SNRNP200: variants seen among roughly 807,000 people sequenced by gnomAD.
SNRNP200 encodes the protein small nuclear ribonucleoprotein U5 subunit 200, also known as U5 small nuclear ribonucleoprotein 200 kDa helicase.
SNRNP200 carries 66 observed loss-of-function variants against 255.2 expected under a neutral mutation model. The observed-to-expected ratio is 0.26, with a 90% CI of 0.21 to 0.32. The LOEUF (loss-of-function observed/expected upper bound fraction) is 0.32, where lower values mean the gene tolerates loss of function less well. Ranked by LOEUF, SNRNP200 falls within the 10% of genes least tolerant of loss-of-function variation. SNRNP200 has a pLI of 1.00. For synonymous variants in SNRNP200, 939 were observed against 1,027.8 expected (o/e 0.91, Z 1.65); for missense variants, 1,585 against 2,749.8 (o/e 0.58, Z 9.47).
chr2:96,292,861 G>T, intron 16 of SNRNP200, 111 bp downstream of exon 16: 1 of 1,300,142 alleles, frequency 7.7e-7, no homozygotes, highest in Non-Finnish European at 1.1e-6. Context: ...TGATATTGGT[G>T]ATTTATGTTG....
Position 96,290,428 on chromosome 2 carries a change from C to T in SNRNP200, c.2640G>A (p.Leu880=). 1 of 1,614,176 alleles carries T rather than the reference C, an allele frequency of 6.2e-7. No homozygotes were observed. Among genetic ancestry groups the T allele is most frequent in the Non-Finnish European group, 8.5e-7 (1 of 1,180,018 alleles). The part of the protein sequence containing the change: ...ITSHGELQYY[L]SLLNQQLPIE... ...TAGGAAGTTGTTGATTGAGGAGGGA[C>T]AGGTAGTACTGTAGCTCCCCATGAG... The change falls in exon 20 of 45, where the codon CTG becomes CTA. Residue 880 remains leucine (L), a synonymous_variant. Transcript: ENST00000323853. This position sits in a 1 kb window ranked among gnomAD's most constrained non-coding sequence, Gnocchi z 4.5.
In SNRNP200 at chr2:96,278,238, T is replaced by C; in HGVS notation, c.5609A>G (p.Gln1870Arg). 1 of 1,614,218 alleles carries C rather than the reference T, an allele frequency of 6.2e-7. No individual in the cohort carries two copies. The highest frequency in any genetic ancestry group is 8.5e-7 in the Non-Finnish European group (1 of 1,180,026). The change falls in exon 39 of 45, where the codon CAG becomes CGG. Residue 1870 changes from glutamine to arginine, a missense_variant and splice_region_variant. Gln to Arg is a conservative substitution (Grantham distance 43). Around this residue, in one of 9 missense-constraint regions of SNRNP200, gnomAD observed 279 missense variants for 551.2 expected, o/e 0.51. Coordinates refer to ENST00000323853, the MANE Select transcript of SNRNP200 (RefSeq NM_014014.5). This position sits in a 1 kb window ranked among gnomAD's most constrained non-coding sequence, Gnocchi z 6.9. The part of the protein sequence containing the change: ...IRHHEDNLLR[Q>R]LAQKVPHKLN... ...TCTCCTGAAGTCTGCTGTCCTCACCTGCCTCAGGAGATTGTCTTCATGGTG... is the reference window on the plus strand; with the variant it reads ...TCTCCTGAAGTCTGCTGTCCTCACCCGCCTCAGGAGATTGTCTTCATGGTG...
In SNRNP200 at chr2:96,296,537, T is replaced by C. The variant is rs1339852007; in HGVS notation, c.1670A>G (p.Lys557Arg). ...LVQEMVGSFG[K>R]RLATYGITVA... ...TGCAGGAAAGTTCTACTCCCTCACC[T>C]TTCCAAAGCTGCCCACCATCTCCTG... The change falls in exon 13 of 45, where the codon AAG becomes AGG. Residue 557 changes from lysine (K) to arginine (R), a missense_variant and splice_region_variant. By Grantham distance (26) the Lys-to-Arg change is conservative (BLOSUM62 2). Coordinates refer to ENST00000323853, the MANE Select transcript of SNRNP200 (RefSeq NM_014014.5). 6.2e-7 allele frequency: 1 copy of C among 1,614,108 alleles called. No individual in the cohort carries two copies. Among genetic ancestry groups the C allele is most frequent in the Non-Finnish European group, 8.5e-7 (1 of 1,179,996 alleles).
At chr2:96,301,955 C>T (rs1023208450) in intron 3 of SNRNP200, among the ~76,000 whole-genome samples, 2 of 152,228 alleles carry the variant, frequency 1.3e-5, no homozygotes, top group Non-Finnish European at 1.5e-5. Context: ...GCTTGCCACA[C>T]TCCAGGTGGT....
Position 96,296,578 on chromosome 2 carries a change from G to A in SNRNP200, c.1629C>T (p.Pro543=), listed in dbSNP as rs772562497. ...VDDFKIIYIA[P]MRSLVQEMVG... ...CCATCTCCTGCACCAAGGAGCGCAT[G>A]GGGGCAATGTAGATAATCTTGAAGT... is the stretch of plus-strand genomic sequence containing the variant. Residue 543 remains proline, a synonymous_variant, in exon 13 of 45, where the codon CCC becomes CCT. Coordinates refer to ENST00000323853, the MANE Select transcript of SNRNP200 (RefSeq NM_014014.5). 1 of 1,614,112 alleles carries A rather than the reference G, an allele frequency of 6.2e-7. No homozygotes were observed. Among genetic ancestry groups the A allele is most frequent in the Non-Finnish European group, 8.5e-7 (1 of 1,180,004 alleles).
chr2:96,276,909 G>T lies in SNRNP200; in HGVS notation c.6169C>A (p.Pro2057Thr), dbSNP rs1276472188. 1 of 1,614,010 alleles carries T rather than the reference G, an allele frequency of 6.2e-7. No homozygotes were observed. The highest frequency in any genetic ancestry group is 8.5e-7 in the Non-Finnish European group (1 of 1,180,040). ...VTGPVIAPLF[P>T]QKREEGWWVV... ...AGCCAGCTACCAGGACGCACCTGCG[G>T]GAAGAGAGGCGCAATGACAGGGCCT... The change falls in exon 43 of 45, where the codon CCG (proline) becomes ACG (threonine). Residue 2057 changes from proline to threonine, a missense_variant. Physicochemically the swap from Pro to Thr is conservative, Grantham distance 38. Around this residue, in one of 9 missense-constraint regions of SNRNP200, gnomAD observed 279 missense variants for 551.2 expected, o/e 0.51. Coordinates refer to ENST00000323853, the MANE Select transcript of SNRNP200 (RefSeq NM_014014.5).
rs2063918315 is a variant in SNRNP200 at position 96,296,563 on chromosome 2, C to T, written c.1644G>A (p.Val548=). 6.2e-7 allele frequency: 1 copy of T among 1,614,040 alleles called. No homozygotes were observed. The highest frequency in any genetic ancestry group is 1.3e-5 in the African/African-American group (1 of 74,922). The change falls in exon 13 of 45, where the codon GTG becomes GTA. Residue 548 remains valine, a synonymous_variant. Coordinates refer to ENST00000323853, the MANE Select transcript of SNRNP200 (RefSeq NM_014014.5). ...IIYIAPMRSL[V]QEMVGSFGKR... ...TTCCAAAGCTGCCCACCATCTCCTG[C>T]ACCAAGGAGCGCATGGGGGCAATGT...
intron 24 of SNRNP200, 55 bp from the exon 25 acceptor site, chr2:96,288,024 T>C (rs1169932394): frequency 2.0e-6 from 3 of 1,501,614 alleles, no homozygotes; most frequent in Admixed American, 3.3e-5. Context: ...CCAGGCCTCA[T>C]GAGCCACTCT....
At position 96,289,125 on chromosome 2, in the gene SNRNP200, A is replaced by G. The variant is rs771828060; in HGVS notation, c.3094-8T>C. On this transcript the variant is annotated splice_polypyrimidine_tract_variant and splice_region_variant and intron_variant, in intron 22 of 44. Transcript: ENST00000323853. ...CAGCTCCAGCTTCTCCTCCTGCCAC[A>G]AGGAGGAAAAGGTCAAGGGAAAGCC... is the stretch of plus-strand genomic sequence containing the variant. 12 of 1,613,676 alleles carry G rather than the reference A, an allele frequency of 7.4e-6. No homozygotes were observed. In the Admixed American group the frequency reaches 1.0e-4, roughly 13 times the overall value.
Position 96,285,505 on chromosome 2 carries a change from GCC to G in SNRNP200, c.4004-167_4004-166del, listed in dbSNP as rs899446597. ...CATCCAAGCCTCTAACTCCAGGCCA[GCC>G]CTACTGTACCCCCTTACCTGCTCCC... is the stretch of plus-strand genomic sequence containing the variant. On this transcript the variant is annotated intron_variant, in intron 29 of 44. Coordinates refer to ENST00000323853, the MANE Select transcript of SNRNP200 (RefSeq NM_014014.5). 7 of 729,190 alleles carry G rather than the reference GCC, an allele frequency of 9.6e-6. No homozygotes were observed. In the African/African-American group the frequency reaches 1.0e-4, roughly 11 times the overall value. 45.2% of individuals were successfully genotyped at this position (729,190 alleles called of 1,614,324 possible).
Position 96,298,305 on chromosome 2 carries a change from G to A in SNRNP200, c.1098C>T (p.Thr366=), listed in dbSNP as rs774935614. The A allele has an allele frequency of 3.1e-5, 50 of 1,613,994 alleles. No individual in the cohort carries two copies. Among genetic ancestry groups the A allele is most frequent in the East Asian group, 4.5e-5 (2 of 44,878 alleles). The change falls in exon 9 of 45, where the codon ACC becomes ACT. Residue 366 remains threonine, a synonymous_variant. Coordinates refer to ENST00000323853, the MANE Select transcript of SNRNP200 (RefSeq NM_014014.5). ...LSKFLYQLHE[T]EKEDLIREER... is the part of the protein sequence containing the mutation. Reference sequence around the variant, plus strand: ...TTACTCGGATCAGATCCTCCTTCTCGGTTTCATGAAGCTGGTAGAGGAACT... The same window carrying A: ...TTACTCGGATCAGATCCTCCTTCTCAGTTTCATGAAGCTGGTAGAGGAACT...
In SNRNP200 at chr2:96,293,029, G is replaced by T; in HGVS notation, c.2103C>A (p.Phe701Leu). The T allele has an allele frequency of 6.2e-7, 1 of 1,614,144 alleles. No homozygotes were observed. The highest frequency in any genetic ancestry group is 1.7e-5 in the Admixed American group (1 of 60,028). ...GITEKKAIKR[F>L]QIMNEIVYEK... The stretch of plus-strand genomic sequence containing the variant: ...CATAGACGATTTCATTCATGATCTG[G>T]AAACGCTTGATAGCTTTTTTCTCTG... The change falls in exon 16 of 45, where the codon TTC (phenylalanine) becomes TTA (leucine). Residue 701 changes from phenylalanine (F) to leucine (L), a missense_variant. Physicochemically the swap from Phe to Leu is conservative, Grantham distance 22. Coordinates refer to ENST00000323853, the MANE Select transcript of SNRNP200 (RefSeq NM_014014.5).
chr2:96,291,047 G>GTT lies in SNRNP200; in HGVS notation c.2422-233_2422-232insAA. 6.6e-6 allele frequency among the ~76,000 whole-genome samples: 1 copy of GTT among 152,150 alleles called. No homozygotes were observed. Among genetic ancestry groups the GTT allele is most frequent in the Admixed American group, 6.5e-5 (1 of 15,276 alleles). On this transcript the variant is annotated intron_variant, in intron 18 of 44. Transcript: ENST00000323853. The surrounding 1 kb of genome is among the most constrained non-coding windows in gnomAD (Gnocchi z 4.2). ...GTTCCAGAGGCACAAGTGCAGACTT[G>GTT]TATTAAACAACCTTAAAGTTACTAG...
Position 96,283,064 on chromosome 2 carries a change from A to T in SNRNP200, c.4915+137T>A. The T allele has an allele frequency of 8.7e-7, 1 of 1,154,764 alleles. No individual in the cohort carries two copies. Among genetic ancestry groups the T allele is most frequent in the Non-Finnish European group, 1.3e-6 (1 of 783,390 alleles). The allele number at this position is 1,154,764 out of a possible 1,614,324, so 71.5% of individuals were successfully genotyped here. On this transcript the variant is annotated intron_variant, in intron 34 of 44. Transcript: ENST00000323853. The surrounding 1 kb of genome is among the most constrained non-coding windows in gnomAD (Gnocchi z 4.7). ...GGTTCTTGGGAGGATCAAATGAGTTAACAGCCAAGAGTCCTAAACAGTATT... is the reference window on the plus strand; with the variant it reads ...GGTTCTTGGGAGGATCAAATGAGTTTACAGCCAAGAGTCCTAAACAGTATT...
chr2:96,301,618 C>T lies in SNRNP200; in HGVS notation c.480G>A (p.Leu160=). The change falls in exon 4 of 45, where the codon CTG becomes CTA. Residue 160 remains leucine, a synonymous_variant. Coordinates refer to ENST00000323853, the MANE Select transcript of SNRNP200 (RefSeq NM_014014.5). ...DKERRKEIDL[L]LGQTDDTRYH... ...ATCTGGTATCATCTGTTTGACCCAGCAGCAGGTCAATCTCCTTTCGCCTTT... is the reference window on the plus strand; with the variant it reads ...ATCTGGTATCATCTGTTTGACCCAGTAGCAGGTCAATCTCCTTTCGCCTTT... The T allele has an allele frequency of 6.2e-7, 1 of 1,614,178 alleles. No individual in the cohort carries two copies. Among genetic ancestry groups the T allele is most frequent in the Non-Finnish European group, 8.5e-7 (1 of 1,179,996 alleles).
rs2063918721 is a variant in SNRNP200 at position 96,296,628 on chromosome 2, T to C, written c.1579A>G (p.Met527Val). Residue 527 changes from methionine to valine, a missense_variant, in exon 13 of 45, where the codon ATG (methionine) becomes GTG (valine). By Grantham distance (21) the Met-to-Val change is conservative. Around this residue, in one of 9 missense-constraint regions of SNRNP200, gnomAD observed 383 missense variants for 645.3 expected, o/e 0.59. Transcript: ENST00000323853. ...MLREIGKHIN[M>V]DGTINVDDFK... ...TCATCCACATTGATGGTGCCGTCCA[T>C]GTTTATGTGTTTCCCAATCTCTCGG... 2.5e-6 allele frequency: 4 copies of C among 1,614,154 alleles called. No individual in the cohort carries two copies. Among genetic ancestry groups the C allele is most frequent in the Non-Finnish European group, 3.4e-6 (4 of 1,180,016 alleles).
chr2:96,277,016 T>C lies in SNRNP200; in HGVS notation c.6093-31A>G. 1.2e-6 allele frequency: 2 copies of C among 1,614,054 alleles called. No homozygotes were observed. The highest frequency in any genetic ancestry group is 1.7e-6 in the Non-Finnish European group (2 of 1,179,958). On this transcript the variant is annotated intron_variant, in intron 42 of 44. Transcript: ENST00000323853. The surrounding 1 kb of genome is among the most constrained non-coding windows in gnomAD (Gnocchi z 4.4). ...GGGGGAGAGGAGGGGCGCACGTCAGTGATGGGGCAGTGGGCTCAGAGCACA... is the reference window on the plus strand; with the variant it reads ...GGGGGAGAGGAGGGGCGCACGTCAGCGATGGGGCAGTGGGCTCAGAGCACA...
In SNRNP200 at chr2:96,285,451, G is replaced by A. The variant is rs577274105; in HGVS notation, c.4004-111C>T. The A allele has an allele frequency of 6.5e-5, 81 of 1,248,046 alleles. No homozygotes were observed. In the African/African-American group the frequency reaches 1.0e-3, roughly 16 times the overall value. 77.3% of individuals were successfully genotyped at this position (1,248,046 alleles called of 1,614,324 possible). On this transcript the variant is annotated intron_variant, in intron 29 of 44. Transcript: ENST00000323853. ...ACAACATACGAAATGAAGTCAGGCA[G>A]TTCTGGAGTGCAGACAGAGGAGCTA...
At chr2:96,288,955 C>G in intron 23 of SNRNP200, 82 bp downstream of exon 23, 1 of 1,346,424 alleles carries the variant, frequency 7.4e-7, no homozygotes, top group Non-Finnish European at 1.0e-6. Context: ...CACATGAACC[C>G]AAATTCAAGG....
Sources: allele counts gnomAD v4.1 joint callset (sites outside exome capture counted in the v4.1 genomes callset), GRCh38; gene constraint gnomAD v4.1.1; regional missense constraint gnomAD v4.1.1; non-coding constraint Gnocchi (gnomAD v3.1); transcripts MANE v1.5; gene names NCBI Gene and HGNC (gene_info 2026-07-23, HGNC 2026-07-21).